Variants in ACTN1 observed in about 807,000 individuals in gnomAD.
The protein encoded by ACTN1 is alpha-actinin-1.
ACTN1 carries 30 observed loss-of-function variants against 119.6 expected under a neutral mutation model. That is an observed-to-expected ratio of 0.25 (90% confidence interval 0.19 to 0.34). ACTN1 has a LOEUF of 0.34. Among genes scored for constraint, ACTN1 ranks in the 10% least tolerant of loss-of-function variants. The probability of loss-of-function intolerance (pLI) is 1.00; values close to 1 mark genes in which losing one functional copy is unlikely to be tolerated. For synonymous variants in ACTN1, 429 were observed against 472.6 expected (o/e 0.91, Z 1.20); for missense variants, 764 against 1,223.4 (o/e 0.62, Z 5.60).
At chr14:68,897,687 C>T (rs964577275) in intron 8 of ACTN1, among the ~76,000 whole-genome samples, 2 of 152,198 alleles carry the variant, frequency 1.3e-5, no homozygotes, top group Admixed American at 1.3e-4. Flanking sequence ...TTTCTTCTTC[C>T]CACAGCTGTC....
intron 3 of ACTN1, 117 bp from the exon 4 acceptor site, chr14:68,912,359 C>T (rs907378582): frequency 5.7e-5 from 46 of 802,104 alleles, no homozygotes; most frequent in Non-Finnish European, 8.7e-5. Flanking sequence ...CTCCAGAGCT[C>T]TACTTCTAGA....
At chr14:68,917,791 C>T (rs1165055982) in intron 3 of ACTN1, among the ~76,000 whole-genome samples, 2 of 152,206 alleles carry the variant, frequency 1.3e-5, no homozygotes, top group East Asian at 1.9e-4. Context: ...TTCGTCGGGG[C>T]GTGGTGGCTT....
Position 68,925,933 on chromosome 14 carries a change from T to A in ACTN1, c.106-261A>T, listed in dbSNP as rs933377502. Among the ~76,000 whole-genome samples the A allele has an allele frequency of 6.6e-6, 1 of 152,164 alleles. No homozygotes were observed. Among genetic ancestry groups the A allele is most frequent in the African/African-American group, 2.4e-5 (1 of 41,424 alleles). On this transcript the variant is annotated intron_variant, in intron 1 of 21. Coordinates refer to ENST00000394419, the MANE Select transcript of ACTN1 (RefSeq NM_001130004.2). The surrounding 1 kb of genome is among the most constrained non-coding windows in gnomAD (Gnocchi z 4.3). ...CATGAAGCAGCAAATTCCCTTAACA[T>A]CCGCCTCCCAGCCCTCTCTCAAAGA...
chr14:68,910,742 C>G (rs944442262), intron 4 of ACTN1, among the ~76,000 whole-genome samples: 1 of 152,122 alleles, frequency 6.6e-6, no homozygotes, highest in South Asian at 2.1e-4. Context: ...GGGAGAGAGA[C>G]GGTGGGAGAT....
chr14:68,878,169 C>A lies in ACTN1; in HGVS notation c.2427+289G>T. 2 of 346,036 alleles carry A rather than the reference C, an allele frequency of 5.8e-6. No homozygotes were observed. Among genetic ancestry groups the A allele is most frequent in the Non-Finnish European group, 5.2e-6 (1 of 190,734 alleles). 21.4% of individuals were successfully genotyped at this position (346,036 alleles called of 1,614,324 possible). Reference sequence around the variant, plus strand: ...GGATGTCCCACACCACCAGTCCTTCCTGCCAGCCTCAGGGTCAGCCCAGCT... The same window carrying A: ...GGATGTCCCACACCACCAGTCCTTCATGCCAGCCTCAGGGTCAGCCCAGCT... On this transcript the variant is annotated intron_variant, in intron 20 of 21. Transcript: ENST00000394419. This position sits in a 1 kb window ranked among gnomAD's most constrained non-coding sequence, Gnocchi z 4.4.
At chr14:68,974,628 G>C (rs2037002046) in intron 1 of ACTN1, among the ~76,000 whole-genome samples, 1 of 152,104 alleles carries the variant, frequency 6.6e-6, no homozygotes. Flanking sequence ...GCCTTCCTTT[G>C]AGATGCACCT....
intron 11 of ACTN1, among the ~76,000 whole-genome samples, chr14:68,888,972 G>T: frequency 6.6e-6 from 1 of 152,184 alleles, no homozygotes; most frequent in East Asian, 1.9e-4. Context: ...TTGGGGTATG[G>T]TTCTTCCTTC....
chr14:68,923,298 A>G (rs2034747839), intron 2 of ACTN1, among the ~76,000 whole-genome samples: 1 of 152,146 alleles, frequency 6.6e-6, no homozygotes, highest in Admixed American at 6.5e-5. Context: ...AAGACACAGC[A>G]GAGGAATTAA....
At position 68,879,893 on chromosome 14, in the gene ACTN1, A is replaced by T; in HGVS notation, c.2280+69T>A. 6.4e-7 allele frequency: 1 copy of T among 1,566,920 alleles called. No homozygotes were observed. Among genetic ancestry groups the T allele is most frequent in the South Asian group, 1.2e-5 (1 of 86,394 alleles). Reference sequence around the variant, plus strand: ...TTGCATGGCAGCCCACGTCCCGGGGAAGTGCCCTCCAGGGCCCTGGGGCAG... The same window carrying T: ...TTGCATGGCAGCCCACGTCCCGGGGTAGTGCCCTCCAGGGCCCTGGGGCAG... On this transcript the variant is annotated intron_variant, in intron 18 of 21. Transcript: ENST00000394419. This position sits in a 1 kb window ranked among gnomAD's most constrained non-coding sequence, Gnocchi z 4.9.
intron 10 of ACTN1, 107 bp from the exon 11 acceptor site, chr14:68,890,393 C>G: frequency 1.5e-6 from 2 of 1,323,358 alleles, no homozygotes; most frequent in South Asian, 2.8e-5. Flanking sequence ...GGAAGAGCCT[C>G]TTCCCTATCT....
chr14:68,964,448 G>A (rs1188871422), intron 1 of ACTN1, among the ~76,000 whole-genome samples: 3 of 152,184 alleles, frequency 2.0e-5, no homozygotes, highest in African/African-American at 7.2e-5. Flanking sequence ...GCCCGGGAGG[G>A]TGGAGACTCA....
At chr14:68,875,217 T>G in intron 21 of ACTN1, 200 bp from the exon 22 acceptor site, 1 of 1,429,092 alleles carries the variant, frequency 7.0e-7, no homozygotes, top group Non-Finnish European at 9.3e-7. Context: ...TTTAAAATTC[T>G]CTCAGGTTTT....
chr14:68,944,868 G>T (rs780882614), intron 1 of ACTN1, among the ~76,000 whole-genome samples: 6 of 150,794 alleles, frequency 4.0e-5, no homozygotes, highest in Non-Finnish European at 8.9e-5. Flanking sequence ...CGTGTGTGGG[G>T]CGGGTAGCTG....
intron 1 of ACTN1, among the ~76,000 whole-genome samples, chr14:68,954,869 T>C (rs1470550520): frequency 2.0e-4 from 31 of 152,196 alleles, no homozygotes; most frequent in Admixed American, 2.0e-3. Flanking sequence ...AAATTGTTCC[T>C]CAGCTAAGTT....
At chr14:68,929,514 A>C (rs573757322) in intron 1 of ACTN1, among the ~76,000 whole-genome samples, 1 of 152,292 alleles carries the variant, frequency 6.6e-6, no homozygotes, top group South Asian at 2.1e-4. Context: ...CCCAAGAGCC[A>C]TCTTCAAGTC....
At chr14:68,911,390 C>A (rs2033995173) in intron 4 of ACTN1, among the ~76,000 whole-genome samples, 1 of 152,176 alleles carries the variant, frequency 6.6e-6, no homozygotes, top group Admixed American at 6.5e-5. Flanking sequence ...TCTTTCCAAC[C>A]ACTTCAACCC....
At chr14:68,977,866 G>C (rs1016587380) in intron 1 of ACTN1, 9 of 446,612 alleles carry the variant, frequency 2.0e-5, no homozygotes, top group Non-Finnish European at 3.6e-5. Context: ...AAACGGGGAG[G>C]GACCGGATGG....
intron 7 of ACTN1, among the ~76,000 whole-genome samples, chr14:68,903,532 G>A (rs1163607756): frequency 4.4e-5 from 6 of 137,064 alleles, no homozygotes; most frequent in African/African-American, 1.1e-4. Context: ...GGGAGACCCC[G>A]TCTCAAAAAA....
intron 11 of ACTN1, chr14:68,887,387 A>C (rs1594763470): frequency 2.0e-6 from 1 of 511,810 alleles, no homozygotes; most frequent in Non-Finnish European, 3.0e-6. Context: ...TACTAAAAAA[A>C]CAACATGGCA....
Sources: allele counts gnomAD v4.1 joint callset (sites outside exome capture counted in the v4.1 genomes callset), GRCh38; gene constraint gnomAD v4.1.1; non-coding constraint Gnocchi (gnomAD v3.1); transcripts MANE v1.5; gene names NCBI Gene and HGNC (gene_info 2026-07-23, HGNC 2026-07-21).